Variants in PTBP3 observed in about 807,000 individuals in gnomAD.
The protein encoded by PTBP3 is polypyrimidine tract binding protein 3, also known as polypyrimidine tract-binding protein 3.
Under a neutral mutation model 58.7 loss-of-function variants are expected in PTBP3, and 20 were observed. The ratio of observed to expected loss-of-function variants is 0.34; its 90% CI spans 0.24 to 0.50. PTBP3 has a LOEUF of 0.50. PTBP3 is among the 20% of genes least tolerant of loss of function. The pLI, the probability that PTBP3 is intolerant of heterozygous loss-of-function variation, is 0.98. For missense variants in PTBP3, 509 were observed against 637.2 expected (o/e 0.80, Z 2.17); for synonymous variants, 185 against 219.8 (o/e 0.84, Z 1.40).
chr9:112,247,009 G>A (rs768374725), intron 7 of PTBP3, among the ~76,000 whole-genome samples: 4 of 151,962 alleles, frequency 2.6e-5, no homozygotes, highest in Non-Finnish European at 5.9e-5. Context: ...ATCCTCCCTA[G>A]ACTCTTTAAA....
chr9:112,364,950 C>T, the PTBP3 span, among the ~76,000 whole-genome samples: 3 of 152,154 alleles, frequency 2.0e-5, no homozygotes, highest in Admixed American at 2.0e-4. Context: ...TCCTCCACCC[C>T]CACCACAACC....
intron 5 of PTBP3, among the ~76,000 whole-genome samples, chr9:112,256,100 A>G (rs1836334650): frequency 6.6e-6 from 1 of 151,720 alleles, no homozygotes; most frequent in Non-Finnish European, 1.5e-5. Flanking sequence ...CTAAAAATAC[A>G]AAAATTAGCC....
At chr9:112,344,964 T>A in the PTBP3 span, among the ~76,000 whole-genome samples, 1 of 151,946 alleles carries the variant, frequency 6.6e-6, no homozygotes, top group Non-Finnish European at 1.5e-5. Context: ...GAAACCCCCA[T>A]CTCTACTAAA....
the PTBP3 span, among the ~76,000 whole-genome samples, chr9:112,370,567 A>T: frequency 6.6e-6 from 1 of 152,164 alleles, no homozygotes; most frequent in Non-Finnish European, 1.5e-5. Context: ...TGGAAGTATG[A>T]GTCCTCCAAT....
intron 10 of PTBP3, 28 bp downstream of exon 10, chr9:112,231,352 A>C (rs1438891083): frequency 6.4e-7 from 1 of 1,550,534 alleles, no homozygotes; most frequent in Admixed American, 1.8e-5. Flanking sequence ...ACCTGTAGAC[A>C]ATAATAAAAT....
chr9:112,252,717 A>AAG lies in PTBP3; in HGVS notation c.586_587dup (p.Gln197PhefsTer7). On this transcript the variant is annotated frameshift_variant, in exon 6 of 14. Coordinates refer to ENST00000374257, the MANE Select transcript of PTBP3 (RefSeq NM_001163788.4). LOFTEE classifies it high-confidence loss of function. ...GTGCATTTACTGGGTCAGCATACTG[A>AAG]AGCAAGGCTTGAAACTGATTATTCT... 7 of 1,612,210 alleles carry AAG rather than the reference A, an allele frequency of 4.3e-6. No individual in the cohort carries two copies. Among genetic ancestry groups the AAG allele is most frequent in the Non-Finnish European group, 5.9e-6 (7 of 1,178,746 alleles).
intron 3 of PTBP3, among the ~76,000 whole-genome samples, chr9:112,269,477 T>C (rs1475518861): frequency 2.0e-5 from 3 of 152,190 alleles, no homozygotes; most frequent in Admixed American, 6.5e-5. Flanking sequence ...AGTTTTATTA[T>C]CTCATACTTT....
chr9:112,369,302 TCA>T, the PTBP3 span, among the ~76,000 whole-genome samples: 4 of 152,164 alleles, frequency 2.6e-5, no homozygotes, highest in African/African-American at 9.7e-5. Flanking sequence ...CCTGGAAAAG[TCA>T]CAGACACTCA....
chr9:112,238,098 C>T (rs983096355), intron 7 of PTBP3, among the ~76,000 whole-genome samples: 2 of 152,014 alleles, frequency 1.3e-5, no homozygotes, highest in African/African-American at 4.8e-5. Flanking sequence ...AATAACTCAT[C>T]CCCACCCTCC....
intron 1 of PTBP3, among the ~76,000 whole-genome samples, chr9:112,316,372 G>A (rs1304392483): frequency 6.6e-6 from 1 of 152,158 alleles, no homozygotes; most frequent in Non-Finnish European, 1.5e-5. Flanking sequence ...GAAGCAAGTT[G>A]CCCTAAGGAG....
intron 2 of PTBP3, among the ~76,000 whole-genome samples, chr9:112,283,694 G>C (rs1267408337): frequency 6.6e-6 from 1 of 152,224 alleles, no homozygotes; most frequent in Non-Finnish European, 1.5e-5. Flanking sequence ...TAATTGCCAA[G>C]ACGATATGGA....
chr9:112,342,591 C>G, the PTBP3 span, among the ~76,000 whole-genome samples: 1 of 152,226 alleles, frequency 6.6e-6, no homozygotes, highest in Non-Finnish European at 1.5e-5. Flanking sequence ...TGGCACACAC[C>G]TGTAATCTCA....
rs536562394 is a variant in PTBP3, at chr9:112,252,090, T to C, written c.627+588A>G. On this transcript the variant is annotated intron_variant, in intron 6 of 13. Coordinates refer to ENST00000374257, the MANE Select transcript of PTBP3 (RefSeq NM_001163788.4). ...AACTGAATGTCAAGTTTTATTCTTG[T>C]CAAAATAGGTTTTCGTGTACTAAAA... Among the ~76,000 whole-genome samples, 176 of 152,098 alleles carry C rather than the reference T, an allele frequency of 1.2e-3. 4 individuals are homozygous for C. The South Asian group carries it at 0.035, about 30-fold the overall frequency.
chr9:112,223,580 G>A lies in PTBP3; in HGVS notation c.*271C>T, dbSNP rs1395172635. ...AAATCTAATTTAATATAGGGAATAA[G>A]ATTATTGAAAAAAAATTTTTTTCCT... On this transcript the variant is annotated 3_prime_UTR_variant, in exon 14 of 14. Coordinates refer to ENST00000374257, the MANE Select transcript of PTBP3 (RefSeq NM_001163788.4). 9.0e-7 allele frequency: 1 copy of A among 1,110,234 alleles called. No homozygotes were observed. Among genetic ancestry groups the A allele is most frequent in the African/African-American group, 1.7e-5 (1 of 60,572 alleles). The allele number at this position is 1,110,234 out of a possible 1,614,324, so 68.8% of individuals were successfully genotyped here. A position where few individuals can be genotyped will look rare whatever the true frequency, so the allele number is the denominator to read the frequency against.
intron 1 of PTBP3, among the ~76,000 whole-genome samples, chr9:112,305,940 A>AAAAAAT (rs912419311): frequency 5.9e-5 from 9 of 152,072 alleles, no homozygotes; most frequent in Admixed American, 6.5e-5. Flanking sequence ...ACTCTGTCTC[A>AAAAAAT]AAAAATAAAA....
At chr9:112,375,514 G>A in the PTBP3 span, among the ~76,000 whole-genome samples, 918 of 152,166 alleles carry the variant, frequency 6.0e-3, 12 homozygotes, top group African/African-American at 0.021. Context: ...TCTGTGAACC[G>A]GGCCCTAGTC....
chr9:112,259,948 G>A (rs1836521896), intron 5 of PTBP3, among the ~76,000 whole-genome samples: 1 of 152,156 alleles, frequency 6.6e-6, no homozygotes, highest in Admixed American at 6.5e-5. Context: ...CACTTAGATG[G>A]AGTCTTGCTC....
chr9:112,367,717 A>G, the PTBP3 span, among the ~76,000 whole-genome samples: 14 of 152,116 alleles, frequency 9.2e-5, no homozygotes, highest in African/African-American at 2.9e-4. Context: ...GCTGCTTTCA[A>G]AATTCTTTCT....
chr9:112,322,150 A>AG (rs1025441365), intron 1 of PTBP3, among the ~76,000 whole-genome samples: 2 of 151,354 alleles, frequency 1.3e-5, no homozygotes, highest in African/African-American at 4.9e-5. Flanking sequence ...AAAAAAAAAA[A>AG]AAAAAAGAAA....
Sources: gnomAD v4.1 joint callset for allele counts (sites outside exome capture counted in the v4.1 genomes callset) on GRCh38, gnomAD v4.1.1 for gene constraint, MANE v1.5 for transcripts, NCBI Gene and HGNC (gene_info 2026-07-23, HGNC 2026-07-21) for gene names.